Variants in CNTNAP4 observed in about 807,000 individuals in gnomAD.
CNTNAP4 encodes contactin-associated protein-like 4.
A neutral mutation model predicts 148.4 loss-of-function variants in CNTNAP4; 98 were observed. The ratio of observed to expected loss-of-function variants is 0.66; its 90% CI spans 0.56 to 0.78. The LOEUF (loss-of-function observed/expected upper bound fraction) is 0.78. Ranked by LOEUF, CNTNAP4 falls within the 30% of genes least tolerant of loss-of-function variation. The pLI is 0.00. For synonymous variants in CNTNAP4, 730 were observed against 565.1 expected (o/e 1.29, Z -4.14); for missense variants, 1,935 against 1,565.6 (o/e 1.24, Z -3.98).
intron 3 of CNTNAP4, among the ~76,000 whole-genome samples, chr16:76,387,242 T>C (rs1235441877): frequency 1.3e-5 from 2 of 152,220 alleles, no homozygotes; most frequent in Admixed American, 6.5e-5. Flanking sequence ...ATAAGTGATA[T>C]CACAAATTTG....
At chr16:76,404,058 G>A (rs79133581) in intron 3 of CNTNAP4, among the ~76,000 whole-genome samples, 4,560 of 152,144 alleles carry the variant, frequency 0.03, 233 homozygotes, top group African/African-American at 0.11. Context: ...TGGAGGGTGG[G>A]AAGATGGAGA....
chr16:76,303,050 A>G (rs1040906837), intron 1 of CNTNAP4, among the ~76,000 whole-genome samples: 1 of 152,210 alleles, frequency 6.6e-6, no homozygotes, highest in African/African-American at 2.4e-5. Flanking sequence ...CCAAGCTTCT[A>G]AAACAGTGGA....
intron 3 of CNTNAP4, among the ~76,000 whole-genome samples, chr16:76,368,771 T>C (rs1332677652): frequency 6.6e-6 from 1 of 152,098 alleles, no homozygotes; most frequent in East Asian, 1.9e-4. Context: ...TGTATACCTA[T>C]GTAACAAACC....
intron 2 of CNTNAP4, among the ~76,000 whole-genome samples, chr16:76,317,289 A>C (rs1347764579): frequency 1.2e-5 from 1 of 81,670 alleles, no homozygotes; most frequent in African/African-American, 3.7e-5. Context: ...AAAAAAAAAA[A>C]AACCCAAAAA....
At chr16:76,468,336 T>C (rs1339837190) in intron 10 of CNTNAP4, among the ~76,000 whole-genome samples, 13 of 151,980 alleles carry the variant, frequency 8.6e-5, no homozygotes, top group Non-Finnish European at 5.9e-5. Flanking sequence ...TAGCTGGGCA[T>C]GGTGGCGGAT....
At chr16:76,301,556 A>G (rs540008363) in intron 1 of CNTNAP4, among the ~76,000 whole-genome samples, 1 of 152,346 alleles carries the variant, frequency 6.6e-6, no homozygotes, top group South Asian at 2.1e-4. Context: ...ACCTGGAAGT[A>G]CATGAGTTAC....
intron 2 of CNTNAP4, among the ~76,000 whole-genome samples, chr16:76,319,339 C>T (rs887256023): frequency 2.6e-5 from 4 of 151,936 alleles, no homozygotes; most frequent in African/African-American, 9.7e-5. Context: ...TAACGTGAGC[C>T]AAGATTGTGC....
intron 9 of CNTNAP4, among the ~76,000 whole-genome samples, chr16:76,464,035 C>T (rs116195645): frequency 3.9e-5 from 6 of 152,138 alleles, no homozygotes; most frequent in Admixed American, 1.3e-4. Context: ...TAAATACAAG[C>T]CCTGCAAAAT....
chr16:76,340,522 A>T (rs1264983850), intron 2 of CNTNAP4, among the ~76,000 whole-genome samples: 1 of 152,044 alleles, frequency 6.6e-6, no homozygotes, highest in African/African-American at 2.4e-5. Flanking sequence ...TCCCTCTCCA[A>T]CATCTGATTG....
chr16:76,364,840 T>G (rs1162230091), intron 3 of CNTNAP4, among the ~76,000 whole-genome samples: 1 of 152,226 alleles, frequency 6.6e-6, no homozygotes, highest in African/African-American at 2.4e-5. Context: ...TTCAGTCTGA[T>G]GATAGTTTCT....
chr16:76,500,855 A>G (rs1473653579), intron 15 of CNTNAP4, among the ~76,000 whole-genome samples: 1 of 145,980 alleles, frequency 6.9e-6, no homozygotes, highest in East Asian at 1.9e-4. Flanking sequence ...CTCTGAAAAT[A>G]GTTAGATTAG....
chr16:76,325,840 T>C (rs1962914458), intron 2 of CNTNAP4, among the ~76,000 whole-genome samples: 1 of 152,096 alleles, frequency 6.6e-6, no homozygotes, highest in Non-Finnish European at 1.5e-5. Context: ...AATGTAAGGA[T>C]ACTTTAAGAA....
At chr16:76,557,840 C>T (rs1012352608) in intron 23 of CNTNAP4, 2 of 152,180 alleles carry the variant, frequency 1.3e-5, no homozygotes, top group Non-Finnish European at 2.9e-5. Flanking sequence ...GGGACCACTA[C>T]ACGTCTACAG....
intron 17 of CNTNAP4, among the ~76,000 whole-genome samples, chr16:76,524,483 G>T (rs2144137593): frequency 6.6e-6 from 1 of 152,278 alleles, no homozygotes; most frequent in South Asian, 2.1e-4. Context: ...GCTGCAGTTT[G>T]CCTGTGGATG....
Position 76,558,914 on chromosome 16 carries a change from G to A in CNTNAP4, c.*231G>A, listed in dbSNP as rs1360365758. ...TAGATATTGCTGTTAATTTTCAACT[G>A]TTCTGGTATGATCTAAAACAAGTTT... On this transcript the variant is annotated 3_prime_UTR_variant, in exon 24 of 24. Coordinates refer to ENST00000611870, the MANE Select transcript of CNTNAP4 (RefSeq NM_033401.5). 2.8e-6 allele frequency: 1 copy of A among 360,742 alleles called. No homozygotes were observed. The highest frequency in any genetic ancestry group is 5.0e-6 in the Non-Finnish European group (1 of 201,758). 22.3% of individuals were successfully genotyped at this position (360,742 alleles called of 1,614,324 possible).
intron 12 of CNTNAP4, 128 bp from the exon 13 acceptor site, chr16:76,489,558 C>G (rs1205404020): frequency 4.2e-6 from 2 of 476,450 alleles, no homozygotes; most frequent in Non-Finnish European, 7.2e-6. Context: ...GATTCTACCT[C>G]TCAGGGAAGT....
At chr16:76,466,456 A>G (rs764019674) in intron 9 of CNTNAP4, among the ~76,000 whole-genome samples, 3 of 152,162 alleles carry the variant, frequency 2.0e-5, no homozygotes, top group Non-Finnish European at 4.4e-5. Context: ...TGAATACCCC[A>G]TTCTTCATGG....
Position 76,543,540 on chromosome 16 carries a change from C to A in CNTNAP4, c.3442+2750C>A, listed in dbSNP as rs547983253. Among the ~76,000 whole-genome samples, 3 of 152,150 alleles carry A rather than the reference C, an allele frequency of 2.0e-5. No individual in the cohort carries two copies. In the East Asian group the frequency reaches 5.8e-4, roughly 29 times the overall value. On this transcript the variant is annotated intron_variant, in intron 21 of 23. Transcript: ENST00000611870. ...AGGAGCTGGCTAAGGCAGACAGGAC[C>A]GTTAGATGTCCATGACACTCTGTCT...
chr16:76,412,710 A>G (rs13331969), intron 3 of CNTNAP4, among the ~76,000 whole-genome samples: 5,134 of 151,352 alleles, frequency 0.034, 221 homozygotes, highest in African/African-American at 0.11. Context: ...GTAGTTCACT[A>G]TGTATTCTGG....
Sources: gnomAD v4.1 joint callset for allele counts (sites outside exome capture counted in the v4.1 genomes callset) on GRCh38, gnomAD v4.1.1 for gene constraint, MANE v1.5 for transcripts, NCBI Gene and HGNC (gene_info 2026-07-23, HGNC 2026-07-21) for gene names.